The following ST3GAL6 variants were observed in gnomAD, a reference collection of about 807,000 sequenced individuals.
ST3GAL6 encodes the protein ST3 beta-galactoside alpha-2,3-sialyltransferase 6.
In ST3GAL6, 31 loss-of-function variants were observed where a neutral mutation model predicts 40.5. That is an observed-to-expected ratio of 0.77 (90% CI 0.58 to 1.03). The LOEUF is 1.03. ST3GAL6 is among the 50% of genes least tolerant of loss of function. ST3GAL6 has a pLI of 0.00. For missense variants in ST3GAL6, 357 were observed against 393.2 expected, an observed-to-expected ratio of 0.91 and a Z score of 0.78; for synonymous variants, 129 against 136.9, an observed-to-expected ratio of 0.94 and a Z score of 0.40.
intron 1 of ST3GAL6, among the ~76,000 whole-genome samples, chr3:98,750,766 G>A (rs1936949043): frequency 6.6e-6 from 1 of 152,136 alleles, no homozygotes; most frequent in Non-Finnish European, 1.5e-5. Context: ...CACTTTCCAA[G>A]AATGCATCCT....
chr3:98,760,018 T>G (rs1937615758), upstream of ST3GAL6, among the ~76,000 whole-genome samples: 1 of 152,054 alleles, frequency 6.6e-6, no homozygotes, highest in Non-Finnish European at 1.5e-5. Flanking sequence ...CCTAGAGTGG[T>G]GAGGGAAATT....
chr3:98,770,919 C>T lies in ST3GAL6; in HGVS notation c.130C>T (p.Pro44Ser). The change falls in exon 3 of 10, where the codon CCT becomes TCT. Residue 44 changes from proline (P) to serine (S), a missense_variant. Coordinates refer to ENST00000483910, the MANE Select transcript of ST3GAL6 (RefSeq NM_001323368.2). ...VEMKRRNKIQ[P>S]CLSKPAFASL... ...AATGAAACGGAGAAATAAGATCCAGCCTTGTTTATCAAAGCCAGCTTTTGC... is the reference window on the plus strand; with the variant it reads ...AATGAAACGGAGAAATAAGATCCAGTCTTGTTTATCAAAGCCAGCTTTTGC... 1 of 1,614,100 alleles carries T rather than the reference C, an allele frequency of 6.2e-7. No individual in the cohort carries two copies. Among genetic ancestry groups the T allele is most frequent in the Non-Finnish European group, 8.5e-7 (1 of 1,179,986 alleles).
intron 1 of ST3GAL6, among the ~76,000 whole-genome samples, chr3:98,741,415 G>GA (rs1048169526): frequency 1.3e-5 from 2 of 152,082 alleles, no homozygotes; most frequent in Non-Finnish European, 2.9e-5. Flanking sequence ...AATGTTGTGG[G>GA]AGGGGAATTG....
chr3:98,791,233 G>A (rs1435098280), intron 8 of ST3GAL6, among the ~76,000 whole-genome samples: 2 of 152,132 alleles, frequency 1.3e-5, no homozygotes, highest in Non-Finnish European at 2.9e-5. Context: ...CTTTCTAAAA[G>A]TATAATGGTG....
intron 5 of ST3GAL6, among the ~76,000 whole-genome samples, chr3:98,780,457 C>T (rs765145924): frequency 6.6e-6 from 1 of 152,106 alleles, no homozygotes; most frequent in Non-Finnish European, 1.5e-5. Flanking sequence ...TCTGTTTGTC[C>T]CCTATAAGCT....
chr3:98,738,181 C>T (rs1935729875), intron 1 of ST3GAL6, among the ~76,000 whole-genome samples: 1 of 148,586 alleles, frequency 6.7e-6, no homozygotes, highest in African/African-American at 2.5e-5. Context: ...TGTGAGTTTC[C>T]TGAGGCCTCC....
At chr3:98,749,319 A>G (rs1936809190) in intron 1 of ST3GAL6, among the ~76,000 whole-genome samples, 1 of 152,164 alleles carries the variant, frequency 6.6e-6, no homozygotes, top group South Asian at 2.1e-4. Context: ...AGTTGCCCTA[A>G]ATTAAGATTC....
chr3:98,793,578 CTTTA>C (rs1280157369), intron 9 of ST3GAL6, 93 bp from the exon 10 acceptor site: 18 of 698,332 alleles, frequency 2.6e-5, no homozygotes, highest in Non-Finnish European at 3.8e-5. Flanking sequence ...CATTCGAGTT[CTTTA>C]TTCGGATTTT....
intron 1 of ST3GAL6, among the ~76,000 whole-genome samples, chr3:98,753,019 C>T (rs1304614120): frequency 1.3e-5 from 2 of 152,192 alleles, no homozygotes; most frequent in African/African-American, 4.8e-5. Context: ...TTGTATATCT[C>T]TCACTTTAAA....
intron 1 of ST3GAL6, among the ~76,000 whole-genome samples, chr3:98,735,217 G>A (rs1163055622): frequency 6.6e-6 from 1 of 152,246 alleles, no homozygotes; most frequent in Admixed American, 6.5e-5. Flanking sequence ...AGTTGCAGTG[G>A]CTCACATAAA....
intron 1 of ST3GAL6, among the ~76,000 whole-genome samples, chr3:98,756,987 A>C (rs1286556305): frequency 1.3e-5 from 2 of 152,172 alleles, no homozygotes; most frequent in African/African-American, 2.4e-5. Flanking sequence ...TCTGTCTTTA[A>C]GTGCAACAAT....
chr3:98,794,588 C>G lies in ST3GAL6; in HGVS notation c.*827C>G, dbSNP rs527298354. The G allele has an allele frequency of 5.3e-5, 8 of 151,924 alleles. No homozygotes were observed. The highest frequency in any genetic ancestry group is 1.0e-4 in the Non-Finnish European group (7 of 67,986). The allele number at this position is 151,924 out of a possible 1,614,324, so 9.4% of individuals were successfully genotyped here. ...TAAAGAAGATAACAGAACAAGTAAA[C>G]ACTTAAGAAAAGTCAAGCTGAGGCC... On this transcript the variant is annotated 3_prime_UTR_variant, in exon 10 of 10. Transcript: ENST00000483910.
intron 1 of ST3GAL6, among the ~76,000 whole-genome samples, chr3:98,737,140 C>A (rs1416103226): frequency 2.0e-5 from 3 of 152,266 alleles, no homozygotes; most frequent in East Asian, 3.9e-4. Context: ...CCTCTGCCTC[C>A]TGAATTTAAG....
At chr3:98,772,703 G>A in intron 3 of ST3GAL6, 110 bp from the exon 4 acceptor site, 1 of 611,150 alleles carries the variant, frequency 1.6e-6, no homozygotes, top group South Asian at 2.4e-5. Context: ...TTTTTGTATA[G>A]CCAGTATAAT....
At chr3:98,737,201 A>G (rs1935624255) in intron 1 of ST3GAL6, among the ~76,000 whole-genome samples, 1 of 152,018 alleles carries the variant, frequency 6.6e-6, no homozygotes, top group African/African-American at 2.4e-5. Flanking sequence ...GGCATGCACC[A>G]CCACACCTGG....
intron 6 of ST3GAL6, among the ~76,000 whole-genome samples, chr3:98,786,684 G>GTT (rs1263974620): frequency 2.0e-5 from 3 of 150,112 alleles, no homozygotes; most frequent in Non-Finnish European, 1.5e-5. Flanking sequence ...TGCAATCAGG[G>GTT]TTTTTTTTTT....
chr3:98,748,640 A>G (rs1439093456), intron 1 of ST3GAL6, among the ~76,000 whole-genome samples: 1 of 151,726 alleles, frequency 6.6e-6, no homozygotes, highest in Non-Finnish European at 1.5e-5. Flanking sequence ...AATTTTTTGT[A>G]TTTTTCGTAG....
upstream of ST3GAL6, among the ~76,000 whole-genome samples, chr3:98,761,059 G>A (rs945652734): frequency 6.6e-6 from 1 of 152,162 alleles, no homozygotes; most frequent in Non-Finnish European, 1.5e-5. Context: ...GCCAGGAAGT[G>A]GGAAGAAGGA....
intron 3 of ST3GAL6, among the ~76,000 whole-genome samples, chr3:98,771,961 C>T (rs1939045616): frequency 6.6e-6 from 1 of 152,008 alleles, no homozygotes; most frequent in Non-Finnish European, 1.5e-5. Context: ...GTGTTCTGTT[C>T]CATTCACTTT....
Sources: gnomAD v4.1 joint callset for allele counts (sites outside exome capture counted in the v4.1 genomes callset) on GRCh38, gnomAD v4.1.1 for gene constraint, MANE v1.5 for transcripts, NCBI Gene and HGNC (gene_info 2026-07-23, HGNC 2026-07-21) for gene names.